DMD: variants seen among roughly 807,000 people sequenced by gnomAD.
The protein encoded by DMD is dystrophin, also known as mutant dystrophin.
DMD carries 63 observed loss-of-function variants against 330.1 expected under a neutral mutation model. The observed-to-expected ratio is 0.19, with a 90% CI of 0.16 to 0.24. The LOEUF is 0.24. Ranked by LOEUF, DMD falls within the 10% of genes least tolerant of loss-of-function variation. The pLI is 1.00. For missense variants in DMD, 3,344 were observed against 2,684.1 expected (o/e 1.25, Z -5.43); for synonymous variants, 1,223 against 959.8 (o/e 1.27, Z -5.07).
At chrX:33,080,933 C>T (rs2094918736) in intron 1 of DMD, among the ~76,000 whole-genome samples, 2 of 109,994 alleles carry the variant, frequency 1.8e-5, no homozygotes, top group South Asian at 7.7e-4. Flanking sequence ...TATTTAAGCA[C>T]TTATTTTCCA....
At chrX:32,867,505 T>C (rs1361064106) in intron 2 of DMD, among the ~76,000 whole-genome samples, 2 of 112,201 alleles carry the variant, frequency 1.8e-5, no homozygotes, top group Non-Finnish European at 3.8e-5. Context: ...GACATTTCAA[T>C]AGGAAAAATT....
intron 33 of DMD, among the ~76,000 whole-genome samples, chrX:32,384,530 C>T (rs2097945376): frequency 9.0e-6 from 1 of 110,708 alleles, no homozygotes; most frequent in Non-Finnish European, 1.9e-5. Context: ...TTGTTTAAAA[C>T]ATAACAAATA....
At chrX:32,846,272 T>C (rs2080656604) in intron 3 of DMD, among the ~76,000 whole-genome samples, 1 of 111,990 alleles carries the variant, frequency 8.9e-6, no homozygotes. Flanking sequence ...TAATAATTGG[T>C]GGAGCCAGGA....
At chrX:32,024,796 T>C (rs951798426) in intron 44 of DMD, among the ~76,000 whole-genome samples, 1 of 112,051 alleles carries the variant, frequency 8.9e-6, no homozygotes, top group Non-Finnish European at 1.9e-5. Context: ...GGCATCATCA[T>C]GATTATTATC....
intron 1 of DMD, among the ~76,000 whole-genome samples, chrX:33,089,315 C>T (rs1031693210): frequency 9.9e-5 from 11 of 110,846 alleles, no homozygotes; most frequent in Non-Finnish European, 1.5e-4. Context: ...CCACCAGCCT[C>T]GGCCTCCCAA....
At chrX:32,936,197 C>T (rs192430215) in intron 2 of DMD, among the ~76,000 whole-genome samples, 6 of 109,575 alleles carry the variant, frequency 5.5e-5, no homozygotes, top group African/African-American at 1.0e-4. Flanking sequence ...CCACAACCTC[C>T]GCCTCCTGGG....
intron 71 of DMD, among the ~76,000 whole-genome samples, chrX:31,176,871 A>G (rs2040561186): frequency 8.9e-6 from 1 of 111,747 alleles, no homozygotes; most frequent in Non-Finnish European, 1.9e-5. Flanking sequence ...TAGGCCTATT[A>G]AAGACTGAAA....
At chrX:31,476,379 CTATG>C (rs995976172) in intron 59 of DMD, among the ~76,000 whole-genome samples, 55 of 86,716 alleles carry the variant, frequency 6.3e-4, no homozygotes, top group Admixed American at 3.9e-4. Flanking sequence ...ATATATCTAA[CTATG>C]TATGTGTGTG....
chrX:33,107,317 C>A lies in DMD; in HGVS notation c.32-87117G>T, dbSNP rs1009121444. On this transcript the variant is annotated intron_variant, in intron 1 of 78. Coordinates refer to ENST00000357033, the MANE Select transcript of DMD (RefSeq NM_004006.3). ...ACAAGAGCGAAGCTCTGTCCCCCCCCCCCCCCCAACACACACAAAAAAAAC... is the reference window on the plus strand; with the variant it reads ...ACAAGAGCGAAGCTCTGTCCCCCCCACCCCCCCAACACACACAAAAAAAAC... 8.6e-4 allele frequency among the ~76,000 whole-genome samples: 66 copies of A among 76,458 alleles called. 2 individuals carry two copies. Among genetic ancestry groups the A allele is most frequent in the East Asian group, 2.5e-3 (6 of 2,362 alleles). The allele number at this position is 76,458 out of a possible 115,157, so 66.4% of individuals were successfully genotyped here.
At chrX:31,209,746 T>C (rs754423789) in intron 64 of DMD, 47 bp from the exon 65 acceptor site, 6 of 1,125,703 alleles carry the variant, frequency 5.3e-6, no homozygotes, top group Non-Finnish European at 7.3e-6. Flanking sequence ...AGTAAAACCT[T>C]CCTTTCAGTG....
At chrX:32,334,591 C>A (rs927432115) in intron 41 of DMD, among the ~76,000 whole-genome samples, 1 of 111,606 alleles carries the variant, frequency 9.0e-6, no homozygotes, top group Admixed American at 9.6e-5. Flanking sequence ...TCTGTTATTA[C>A]TTTTCTTGTA....
At chrX:31,410,689 TAGAGTA>T in intron 60 of DMD, among the ~76,000 whole-genome samples, 1 of 108,933 alleles carries the variant, frequency 9.2e-6, no homozygotes, top group Non-Finnish European at 1.9e-5. Context: ...TTTGAGAGTT[TAGAGTA>T]ATGGGGACCA....
At chrX:32,744,488 CTTT>C (rs1214909247) in intron 7 of DMD, among the ~76,000 whole-genome samples, 2 of 111,162 alleles carry the variant, frequency 1.8e-5, no homozygotes, top group Non-Finnish European at 3.8e-5. Flanking sequence ...CTCAAACCTC[CTTT>C]TTAAGGTTCA....
rs903304971 is a variant in DMD at position 32,661,191 on chromosome X, G to A, written c.961-16039C>T. Among the ~76,000 whole-genome samples the A allele has an allele frequency of 8.0e-4, 89 of 111,397 alleles. 1 individual carries two copies. Among genetic ancestry groups the A allele is most frequent in the African/African-American group, 2.8e-3 (85 of 30,742 alleles). ...CCAGTTCATCGTGTGTATCTCCTAAGTGGGTGCTATCCACTGTGTAGACTG... is the reference window on the plus strand; with the variant it reads ...CCAGTTCATCGTGTGTATCTCCTAAATGGGTGCTATCCACTGTGTAGACTG... On this transcript the variant is annotated intron_variant, in intron 9 of 78. Coordinates refer to ENST00000357033, the MANE Select transcript of DMD (RefSeq NM_004006.3).
At chrX:31,477,714 G>A (rs976130867) in intron 59 of DMD, among the ~76,000 whole-genome samples, 1 of 109,690 alleles carries the variant, frequency 9.1e-6, no homozygotes, top group Non-Finnish European at 1.9e-5. Flanking sequence ...TAGCAAAAGG[G>A]CCAACACCTA....
Position 31,421,887 on chromosome X carries a change from C to CTA in DMD, c.9084+22592_9084+22593dup, listed in dbSNP as rs1464494587. Among the ~76,000 whole-genome samples, 47 of 78,243 alleles carry CTA rather than the reference C, an allele frequency of 6.0e-4. 1 individual carries two copies. The highest frequency in any genetic ancestry group is 1.8e-3 in the South Asian group (3 of 1,695). 67.9% of individuals were successfully genotyped at this position (78,243 alleles called of 115,157 possible). A position where few individuals can be genotyped will look rare whatever the true frequency, so the allele number is the denominator to read the frequency against. On this transcript the variant is annotated intron_variant, in intron 60 of 78. Transcript: ENST00000357033. Reference sequence around the variant, plus strand: ...TCTCTCTCTCTCTCTCTCTCTCTTTCTATATATATATATACACACACACAC... The same window carrying CTA: ...TCTCTCTCTCTCTCTCTCTCTCTTTCTATATATATATATATACACACACACAC...
chrX:33,289,324 T>C (rs987785884), intron 1 of DMD, among the ~76,000 whole-genome samples: 3 of 110,960 alleles, frequency 2.7e-5, no homozygotes, highest in Non-Finnish European at 5.7e-5. Context: ...GTAAGTAGAA[T>C]ATGGGATTTG....
intron 9 of DMD, among the ~76,000 whole-genome samples, chrX:32,662,583 C>T (rs928670210): frequency 3.6e-5 from 4 of 111,435 alleles, no homozygotes; most frequent in African/African-American, 1.3e-4. Flanking sequence ...CGGGTTGTTC[C>T]GTATAGTTGG....
At chrX:32,054,367 C>G (rs375367548) in intron 44 of DMD, among the ~76,000 whole-genome samples, 1 of 89,758 alleles carries the variant, frequency 1.1e-5, no homozygotes, top group Non-Finnish European at 2.2e-5. Context: ...CAACAGGCCC[C>G]GGTGTGTGAT....
Sources: gnomAD v4.1 joint callset for allele counts (sites outside exome capture counted in the v4.1 genomes callset) on GRCh38, gnomAD v4.1.1 for gene constraint, MANE v1.5 for transcripts, NCBI Gene and HGNC (gene_info 2026-07-23, HGNC 2026-07-21) for gene names.